TCF7L2: variants seen among roughly 807,000 people sequenced by gnomAD.
TCF7L2 encodes the protein transcription factor 7-like 2.
In TCF7L2, 23 loss-of-function variants were observed where a neutral mutation model predicts 77.9. That is an observed-to-expected ratio of 0.30 (90% CI 0.21 to 0.42). The LOEUF (loss-of-function observed/expected upper bound fraction) is 0.42. TCF7L2 is among the 10% of genes least tolerant of loss of function. The pLI, the probability that TCF7L2 is intolerant of heterozygous loss-of-function variation, is 1.00. For missense variants in TCF7L2, 654 were observed against 793.1 expected (o/e 0.82, Z 2.11); for synonymous variants, 413 against 340.2 (o/e 1.21, Z -2.36).
Position 113,008,262 on chromosome 10 carries a change from C to A in TCF7L2, c.451-31763C>A, listed in dbSNP as rs193098084. Reference sequence around the variant, plus strand: ...ATTCAACTCTGGGGATGGTCATCTTCCCCACACCTGCGTTGGGTACCTTTT... The same window carrying A: ...ATTCAACTCTGGGGATGGTCATCTTACCCACACCTGCGTTGGGTACCTTTT... On this transcript the variant is annotated intron_variant, in intron 4 of 13. Coordinates refer to ENST00000627217, the MANE Select transcript of TCF7L2 (RefSeq NM_001146274.2). Among the ~76,000 whole-genome samples the A allele has an allele frequency of 1.4e-4, 21 of 152,298 alleles. 1 individual carries two copies. The East Asian group carries it at 4.1e-3, about 29-fold the overall frequency.
At chr10:113,156,169 C>T (rs2071849801) in intron 11 of TCF7L2, among the ~76,000 whole-genome samples, 1 of 147,096 alleles carries the variant, frequency 6.8e-6, no homozygotes, top group South Asian at 2.1e-4. Flanking sequence ...GGGTGGAGTG[C>T]AGTAGCACGA....
chr10:113,107,610 G>A (rs1263756960), intron 5 of TCF7L2, among the ~76,000 whole-genome samples: 1 of 151,798 alleles, frequency 6.6e-6, no homozygotes, highest in Non-Finnish European at 1.5e-5. Context: ...GGGCGTGGTG[G>A]CGAGTACCTG....
At chr10:112,955,985 G>A (rs141306013) in intron 3 of TCF7L2, among the ~76,000 whole-genome samples, 1 of 152,132 alleles carries the variant, frequency 6.6e-6, no homozygotes, top group Admixed American at 6.5e-5. Flanking sequence ...AAAGTGCCTA[G>A]ATTTCTCGGT....
chr10:112,989,477 GAA>G (rs11370614), intron 4 of TCF7L2, among the ~76,000 whole-genome samples: 1 of 151,436 alleles, frequency 6.6e-6, no homozygotes, highest in Non-Finnish European at 1.5e-5. Flanking sequence ...TGAGCAGGAA[GAA>G]AAAAAAATTG....
intron 5 of TCF7L2, among the ~76,000 whole-genome samples, chr10:113,082,057 C>T (rs1356714403): frequency 3.3e-5 from 5 of 151,686 alleles, no homozygotes; most frequent in African/African-American, 9.7e-5. Flanking sequence ...AGGCTGGTCT[C>T]GAACTCTTGA....
At chr10:113,032,228 C>T (rs1266061256) in intron 4 of TCF7L2, among the ~76,000 whole-genome samples, 3 of 152,302 alleles carry the variant, frequency 2.0e-5, no homozygotes, top group East Asian at 1.9e-4. Context: ...AATTCCATAC[C>T]GATTGTCCGT....
chr10:113,130,599 C>T (rs1418775536), intron 5 of TCF7L2, among the ~76,000 whole-genome samples: 1 of 151,966 alleles, frequency 6.6e-6, no homozygotes, highest in Non-Finnish European at 1.5e-5. Context: ...GTTTTGTAAA[C>T]TTAATATAAA....
chr10:112,964,808 G>A (rs1299850844), intron 4 of TCF7L2, among the ~76,000 whole-genome samples, 184 bp downstream of exon 4: 43 of 116,982 alleles, frequency 3.7e-4, no homozygotes, highest in African/African-American at 1.1e-3. Flanking sequence ...GGTGGTGGTG[G>A]TGGTGGGGGG....
chr10:112,961,556 C>T lies in TCF7L2; in HGVS notation c.382-3000C>T, dbSNP rs543267580. ...ATGAACAAGACATCTTTATGTTTTACAGGGAAGGAAAAAGCAGTGAAAGTA... is the reference window on the plus strand; with the variant it reads ...ATGAACAAGACATCTTTATGTTTTATAGGGAAGGAAAAAGCAGTGAAAGTA... On this transcript the variant is annotated intron_variant, in intron 3 of 13. Transcript: ENST00000627217. 2.0e-5 allele frequency among the ~76,000 whole-genome samples: 3 copies of T among 152,040 alleles called. No individual in the cohort carries two copies. The South Asian group carries it at 6.2e-4, about 32-fold the overall frequency.
intron 8 of TCF7L2, among the ~76,000 whole-genome samples, chr10:113,147,308 G>A (rs562326587): frequency 6.6e-6 from 1 of 152,232 alleles, no homozygotes; most frequent in African/African-American, 2.4e-5. Flanking sequence ...AGAAGGGCCT[G>A]GAAAGACAGG....
chr10:113,098,453 T>TA (rs2061295527), intron 5 of TCF7L2, among the ~76,000 whole-genome samples: 5 of 152,120 alleles, frequency 3.3e-5, no homozygotes, highest in Non-Finnish European at 7.4e-5. Context: ...ACGCCTGTAA[T>TA]CCCAGCACTT....
At chr10:113,089,243 G>A (rs1407269778) in intron 5 of TCF7L2, among the ~76,000 whole-genome samples, 1 of 152,178 alleles carries the variant, frequency 6.6e-6, no homozygotes, top group Non-Finnish European at 1.5e-5. Context: ...AAATAGGAGA[G>A]TTCTGATTTG....
At chr10:113,025,747 C>G (rs185838562) in intron 4 of TCF7L2, among the ~76,000 whole-genome samples, 2 of 152,210 alleles carry the variant, frequency 1.3e-5, no homozygotes, top group East Asian at 3.9e-4. Flanking sequence ...ATGTTATTAT[C>G]CACATTTTAC....
intron 5 of TCF7L2, among the ~76,000 whole-genome samples, chr10:113,053,135 G>A (rs1223677933): frequency 6.6e-6 from 1 of 152,198 alleles, no homozygotes; most frequent in Non-Finnish European, 1.5e-5. Context: ...AACCCATTGA[G>A]AGGCAGTAAG....
At position 113,161,157 on chromosome 10, in the gene TCF7L2, TCTTTTTC is replaced by T. The variant is rs1368847163; in HGVS notation, c.1391+473_1391+479del. The T allele has an allele frequency of 3.5e-5, 8 of 231,526 alleles. No individual in the cohort carries two copies. The East Asian group carries it at 7.1e-4, about 21-fold the overall frequency. 14.3% of individuals were successfully genotyped at this position (231,526 alleles called of 1,614,324 possible). On this transcript the variant is annotated intron_variant, in intron 13 of 13. Coordinates refer to ENST00000627217, the MANE Select transcript of TCF7L2 (RefSeq NM_001146274.2). ...GGGTAGGCTTCTTCTTTCCCTTTTTTCTTTTTCCTTTTTGGTTGTTTTATGTTTAAAA... is the reference window on the plus strand; with the variant it reads ...GGGTAGGCTTCTTCTTTCCCTTTTTTCTTTTTGGTTGTTTTATGTTTAAAA...
At chr10:113,080,003 C>A (rs867529791) in intron 5 of TCF7L2, among the ~76,000 whole-genome samples, 5 of 151,876 alleles carry the variant, frequency 3.3e-5, no homozygotes, top group Middle Eastern at 3.2e-3. Flanking sequence ...ATGAGGTTGA[C>A]CCCTGCATCT....
intron 5 of TCF7L2, among the ~76,000 whole-genome samples, chr10:113,139,747 C>G (rs916742127): frequency 6.7e-6 from 1 of 150,290 alleles, no homozygotes; most frequent in African/African-American, 2.5e-5. Context: ...TTAAAAGACA[C>G]TTTCCCCTCA....
At chr10:113,101,732 A>G (rs1001003173) in intron 5 of TCF7L2, among the ~76,000 whole-genome samples, 1 of 151,156 alleles carries the variant, frequency 6.6e-6, no homozygotes, top group Admixed American at 6.6e-5. Flanking sequence ...AGTCCCAGCT[A>G]CTTGGGAGGC....
intron 5 of TCF7L2, among the ~76,000 whole-genome samples, chr10:113,042,635 A>G (rs1341574551): frequency 3.9e-5 from 6 of 152,138 alleles, no homozygotes; most frequent in African/African-American, 1.4e-4. Context: ...GGAGGAGGAA[A>G]GAGTTGAGGG....
Sources: allele counts gnomAD v4.1 joint callset (sites outside exome capture counted in the v4.1 genomes callset), GRCh38; gene constraint gnomAD v4.1.1; transcripts MANE v1.5; gene names NCBI Gene and HGNC (gene_info 2026-07-23, HGNC 2026-07-21).